PTPN4: variants seen among roughly 807,000 people sequenced by gnomAD.
PTPN4 encodes protein tyrosine phosphatase non-receptor type 4.
In PTPN4, 49 loss-of-function variants were observed where a neutral mutation model predicts 135.5. The observed-to-expected ratio is 0.36, with a 90% CI of 0.29 to 0.46. PTPN4 has a LOEUF of 0.46. PTPN4 is among the 20% of genes least tolerant of loss of function. The pLI is 1.00. For synonymous variants in PTPN4, 333 were observed against 369.9 expected, an observed-to-expected ratio of 0.90 and a Z score of 1.14; for missense variants, 860 against 1,101.0, an observed-to-expected ratio of 0.78 and a Z score of 3.10.
Position 119,760,094 on chromosome 2 carries a change from C to T in PTPN4, c.-308C>T, listed in dbSNP as rs924471105. On this transcript the variant is annotated 5_prime_UTR_variant, in exon 1 of 27. Coordinates refer to ENST00000263708, the MANE Select transcript of PTPN4 (RefSeq NM_002830.4). ...TCGGAGGATTGGGGCCAGGCCCCCT[C>T]CCCCACGCACTTTTGGGGGTGTGGA... 2.6e-6 allele frequency: 1 copy of T among 386,756 alleles called. No homozygotes were observed. The highest frequency in any genetic ancestry group is 4.6e-6 in the Non-Finnish European group (1 of 218,866). The allele number at this position is 386,756 out of a possible 1,614,324, so 24.0% of individuals were successfully genotyped here.
chr2:119,808,997 T>C (rs948420275), intron 1 of PTPN4, among the ~76,000 whole-genome samples: 4 of 152,200 alleles, frequency 2.6e-5, no homozygotes, highest in African/African-American at 7.2e-5. Flanking sequence ...TCTTCTAGTT[T>C]AGTGTGTTTC....
chr2:119,968,889 AAAG>A (rs1369907652), intron 26 of PTPN4, among the ~76,000 whole-genome samples: 1 of 152,238 alleles, frequency 6.6e-6, no homozygotes, highest in African/African-American at 2.4e-5. Context: ...TCAGGAGCCA[AAAG>A]AAGAATCATG....
At chr2:119,824,835 G>A (rs1281546485) in intron 2 of PTPN4, among the ~76,000 whole-genome samples, 1 of 151,838 alleles carries the variant, frequency 6.6e-6, no homozygotes, top group Non-Finnish European at 1.5e-5. Context: ...TTACAGGCAC[G>A]TGCCACCACG....
intron 2 of PTPN4, among the ~76,000 whole-genome samples, chr2:119,848,619 G>T (rs1047840309): frequency 6.7e-6 from 1 of 150,066 alleles, no homozygotes; most frequent in African/African-American, 2.5e-5. Flanking sequence ...TATTTTTTTT[G>T]AGACAGAGTC....
chr2:119,898,232 G>A (rs913480530), intron 9 of PTPN4, among the ~76,000 whole-genome samples: 3 of 152,142 alleles, frequency 2.0e-5, no homozygotes, highest in Non-Finnish European at 4.4e-5. Context: ...ATGTAGATGT[G>A]GGCTAATAAA....
chr2:119,946,530 C>G lies in PTPN4; in HGVS notation c.1612C>G (p.Gln538Glu). The G allele has an allele frequency of 2.5e-6, 4 of 1,609,026 alleles. No homozygotes were observed. The highest frequency in any genetic ancestry group is 3.4e-6 in the Non-Finnish European group (4 of 1,177,152). ...FGFNVKGGYD[Q>E]KMPVIVSRVA... ...TTCTCTTTTTAAGGGAGGATATGAT[C>G]AGAAGATGCCTGTGATTGTGTCTCG... Residue 538 changes from glutamine to glutamate, a missense_variant, in exon 18 of 27, where the codon CAG becomes GAG. Physicochemically the swap from Gln to Glu is conservative, Grantham distance 29. Transcript: ENST00000263708.
intron 2 of PTPN4, among the ~76,000 whole-genome samples, chr2:119,849,066 A>C (rs1050453207): frequency 6.6e-6 from 1 of 152,080 alleles, no homozygotes; most frequent in Admixed American, 6.6e-5. Flanking sequence ...TATAATTTCT[A>C]TCTCTTTATA....
chr2:119,929,760 G>A (rs968781959), intron 13 of PTPN4, among the ~76,000 whole-genome samples: 1 of 152,186 alleles, frequency 6.6e-6, no homozygotes, highest in South Asian at 2.1e-4. Flanking sequence ...ATGAAGTTTG[G>A]TTTTAAGTTC....
At position 119,984,507 on chromosome 2, in the gene PTPN4, G is replaced by A. The variant is rs989869682; in HGVS notation, c.*7437G>A. Among the ~76,000 whole-genome samples, 3 of 152,006 alleles carry A rather than the reference G, an allele frequency of 2.0e-5. No individual in the cohort carries two copies. Among genetic ancestry groups the A allele is most frequent in the African/African-American group, 2.4e-5 (1 of 41,378 alleles). ...TCTCTTTCCATATGATCTCATAATT[G>A]AGGCAAAGAAGCTAAGGGTTTATTT... is the stretch of plus-strand genomic sequence containing the variant. On this transcript the variant is annotated 3_prime_UTR_variant, in exon 27 of 27. Transcript: ENST00000263708.
chr2:119,859,204 A>G (rs1330540144), intron 2 of PTPN4, among the ~76,000 whole-genome samples: 1 of 152,000 alleles, frequency 6.6e-6, no homozygotes, highest in Non-Finnish European at 1.5e-5. Context: ...ACTGCTTCCA[A>G]ATCTTTGTCA....
intron 15 of PTPN4, among the ~76,000 whole-genome samples, chr2:119,942,518 A>C (rs1176573245): frequency 6.6e-6 from 1 of 152,156 alleles, no homozygotes; most frequent in Non-Finnish European, 1.5e-5. Flanking sequence ...TTTAGTTTTA[A>C]ATTTTTTTTC....
chr2:119,927,674 T>G (rs1678845857), intron 13 of PTPN4, among the ~76,000 whole-genome samples: 1 of 152,192 alleles, frequency 6.6e-6, no homozygotes, highest in African/African-American at 2.4e-5. Flanking sequence ...ACAGGTGTGT[T>G]AGAGACAAGA....
chr2:119,846,468 A>T (rs1677500514), intron 2 of PTPN4, among the ~76,000 whole-genome samples: 1 of 152,058 alleles, frequency 6.6e-6, no homozygotes, highest in Non-Finnish European at 1.5e-5. Context: ...CTTACGGTGT[A>T]ACTTTTTAAA....
intron 2 of PTPN4, among the ~76,000 whole-genome samples, chr2:119,855,480 T>G (rs1034763241): frequency 6.6e-6 from 1 of 152,198 alleles, no homozygotes; most frequent in African/African-American, 2.4e-5. Flanking sequence ...CGGCAGATTT[T>G]TCTCATATCT....
At chr2:119,879,127 G>A (rs188437283) in intron 5 of PTPN4, among the ~76,000 whole-genome samples, 59 of 151,286 alleles carry the variant, frequency 3.9e-4, no homozygotes, top group Non-Finnish European at 6.3e-4. Flanking sequence ...AAACAAAGTC[G>A]TGTTATATGT....
chr2:119,917,167 A>G (rs1678665562), intron 11 of PTPN4, among the ~76,000 whole-genome samples: 1 of 152,214 alleles, frequency 6.6e-6, no homozygotes, highest in Non-Finnish European at 1.5e-5. Flanking sequence ...TTGAGAACTT[A>G]CTATGTGCCT....
chr2:119,939,787 C>G (rs1235875970), intron 15 of PTPN4, among the ~76,000 whole-genome samples: 3 of 152,186 alleles, frequency 2.0e-5, no homozygotes, highest in Non-Finnish European at 4.4e-5. Context: ...ATCTACAACT[C>G]AGTTGTCCCC....
chr2:119,866,772 A>G (rs1002614440), intron 3 of PTPN4, among the ~76,000 whole-genome samples: 1 of 152,146 alleles, frequency 6.6e-6, no homozygotes, highest in Non-Finnish European at 1.5e-5. Flanking sequence ...CCGTTATTTC[A>G]ACAAGCCATG....
At chr2:119,840,120 CT>C (rs765092853) in intron 2 of PTPN4, among the ~76,000 whole-genome samples, 41 of 152,112 alleles carry the variant, frequency 2.7e-4, no homozygotes, top group Middle Eastern at 6.3e-3. Flanking sequence ...TTATTTCCAA[CT>C]TTTGTTTTAA....
Sources: allele counts gnomAD v4.1 joint callset (sites outside exome capture counted in the v4.1 genomes callset), GRCh38; gene constraint gnomAD v4.1.1; transcripts MANE v1.5; gene names NCBI Gene and HGNC (gene_info 2026-07-23, HGNC 2026-07-21).